The following TUT4 variants were observed in gnomAD, a reference collection of about 807,000 sequenced individuals.
The protein encoded by TUT4 is terminal uridylyltransferase 4.
A neutral mutation model predicts 192.2 loss-of-function variants in TUT4; 36 were observed. That is an observed-to-expected ratio of 0.19 (90% CI 0.14 to 0.25). The LOEUF is 0.25. Among genes scored for constraint, TUT4 ranks in the 10% least tolerant of loss-of-function variants. The pLI, the probability that TUT4 is intolerant of heterozygous loss-of-function variation, is 1.00. For missense variants in TUT4, 1,493 were observed against 1,957.2 expected (o/e 0.76, Z 4.47); for synonymous variants, 618 against 666.0 (o/e 0.93, Z 1.11).
intron 1 of TUT4, among the ~76,000 whole-genome samples, chr1:52,536,540 GA>G (rs1286725106): frequency 1.3e-5 from 2 of 152,172 alleles, no homozygotes; most frequent in African/African-American, 4.8e-5. Context: ...AAATGTAAAT[GA>G]ATTAAACTTT....
At chr1:52,500,206 T>C (rs937757948) in intron 4 of TUT4, among the ~76,000 whole-genome samples, 1 of 151,648 alleles carries the variant, frequency 6.6e-6, no homozygotes, top group Non-Finnish European at 1.5e-5. Flanking sequence ...GAACACTCAA[T>C]GGGGAAAGGA....
At chr1:52,473,391 C>G (rs1452584601) in intron 13 of TUT4, among the ~76,000 whole-genome samples, 1 of 152,000 alleles carries the variant, frequency 6.6e-6, no homozygotes, top group Non-Finnish European at 1.5e-5. Context: ...GTATTATATT[C>G]TTAAATTTGC....
At chr1:52,538,669 G>GAAAAAAA (rs1205554959) in intron 1 of TUT4, 2 of 99,494 alleles carry the variant, frequency 2.0e-5, no homozygotes, top group African/African-American at 3.7e-5. Flanking sequence ...GAAAAGAAAA[G>GAAAAAAA]AAAAAAAAAA....
chr1:52,493,800 GTGTTTTTTTTT>G, intron 6 of TUT4, 138 bp from the exon 7 acceptor site: 6 of 634,496 alleles, frequency 9.5e-6, no homozygotes, highest in South Asian at 1.8e-5. Flanking sequence ...AAACAGAATC[GTGTTTTTTTTT>G]TGTTTTTTTT....
At chr1:52,425,173 A>C (rs1557607957) in intron 29 of TUT4, 176 bp downstream of exon 29, 1 of 627,910 alleles carries the variant, frequency 1.6e-6, no homozygotes. Context: ...GTGTGCATCA[A>C]GTAATGGAGA....
chr1:52,467,156 A>G (rs1389657141), intron 15 of TUT4, among the ~76,000 whole-genome samples: 2 of 152,100 alleles, frequency 1.3e-5, no homozygotes, highest in East Asian at 3.9e-4. Context: ...AAAAAACAAT[A>G]ATGATGATAT....
chr1:52,507,707 A>G (rs2149284238), intron 4 of TUT4, among the ~76,000 whole-genome samples: 1 of 152,342 alleles, frequency 6.6e-6, no homozygotes, highest in Middle Eastern at 3.4e-3. Context: ...AATGCTCATT[A>G]AAGTATAATG....
Position 52,446,331 on chromosome 1 carries a change from T to C in TUT4, c.3625A>G (p.Ile1209Val). ...GTTGTCAACAGCTTTTTCTGCCGAA[T>C]GCTAATTACATATTCCTTGAAATCA... ...EFDFKEYVIS[I>V]RQKKLLTTFE... The change falls in exon 22 of 30, where the codon ATT (isoleucine) becomes GTT (valine). Residue 1209 changes from isoleucine (I) to valine (V), a missense_variant. Ile to Val is a conservative substitution (Grantham distance 29). This residue lies in a region of TUT4 where 141 missense variants were observed against 382.7 expected (regional missense o/e 0.37). Coordinates refer to ENST00000257177, the MANE Select transcript of TUT4 (RefSeq NM_001009881.3). The C allele has an allele frequency of 6.2e-7, 1 of 1,613,928 alleles. No homozygotes were observed. Among genetic ancestry groups the C allele is most frequent in the Non-Finnish European group, 8.5e-7 (1 of 1,179,932 alleles).
intron 1 of TUT4, among the ~76,000 whole-genome samples, 181 bp from the exon 2 acceptor site, chr1:52,526,554 T>C (rs769195317): frequency 7.4e-5 from 11 of 149,322 alleles, no homozygotes; most frequent in South Asian, 2.1e-4. Flanking sequence ...ACTAGGTAAA[T>C]AGCCAAATGC....
intron 8 of TUT4, 63 bp from the exon 9 acceptor site, chr1:52,489,098 T>C: frequency 1.4e-6 from 2 of 1,468,198 alleles, no homozygotes; most frequent in South Asian, 1.5e-5. Flanking sequence ...ATACTTCAAA[T>C]CCTGTGGCTA....
Position 52,485,188 on chromosome 1 carries a change from T to C in TUT4, c.1516-3265A>G, listed in dbSNP as rs186021370. Among the ~76,000 whole-genome samples, 55 of 152,310 alleles carry C rather than the reference T, an allele frequency of 3.6e-4. No individual in the cohort carries two copies. In the East Asian group the frequency reaches 7.7e-3, roughly 21 times the overall value. On this transcript the variant is annotated intron_variant, in intron 9 of 29. Coordinates refer to ENST00000257177, the MANE Select transcript of TUT4 (RefSeq NM_001009881.3). ...AATAATATAATTTCTTCTTATATCT[T>C]TGTTATTAAATCTCTTCCTTAGTGT...
At chr1:52,464,608 C>G (rs193093859) in intron 16 of TUT4, among the ~76,000 whole-genome samples, 1 of 152,092 alleles carries the variant, frequency 6.6e-6, no homozygotes, top group Non-Finnish European at 1.5e-5. Context: ...TGTGAGTGGT[C>G]AAAAATTATA....
chr1:52,453,092 A>C (rs1659906989), intron 20 of TUT4, among the ~76,000 whole-genome samples: 2 of 152,146 alleles, frequency 1.3e-5, no homozygotes, highest in South Asian at 4.1e-4. Context: ...GAATAGAAAA[A>C]ACATTTTGGG....
In TUT4 at chr1:52,498,902, TTATATATATATA is replaced by T. The variant is rs60991652; in HGVS notation, c.1000-1731_1000-1720del. Reference sequence around the variant, plus strand: ...ACTCCATTACAAAAAAAAAAAAAAATTATATATATATATATATATATATATATATATATATAT... The same window carrying T: ...ACTCCATTACAAAAAAAAAAAAAAATTATATATATATATATATATATATAT... On this transcript the variant is annotated intron_variant, in intron 4 of 29. Transcript: ENST00000257177. Among the ~76,000 whole-genome samples the T allele has an allele frequency of 7.4e-3, 172 of 23,282 alleles. 16 individuals are homozygous for T. Among genetic ancestry groups the T allele is most frequent in the South Asian group, 0.017 (7 of 424 alleles). 15.3% of individuals were successfully genotyped at this position (23,282 alleles called of 152,430 possible).
intron 14 of TUT4, among the ~76,000 whole-genome samples, chr1:52,468,923 T>C (rs1269806155): frequency 6.6e-6 from 1 of 152,216 alleles, no homozygotes. Flanking sequence ...CCCCAAAAGT[T>C]AACACAGTAA....
At chr1:52,499,913 T>TA (rs1235264841) in intron 4 of TUT4, among the ~76,000 whole-genome samples, 2 of 150,444 alleles carry the variant, frequency 1.3e-5, no homozygotes, top group East Asian at 1.9e-4. Context: ...TCTACTAAAT[T>TA]AAAAAAATAT....
At chr1:52,445,746 A>T (rs1005371340) in intron 24 of TUT4, 41 bp downstream of exon 24, 16 of 1,443,518 alleles carry the variant, frequency 1.1e-5, no homozygotes, top group Non-Finnish European at 1.5e-5. Flanking sequence ...TGTTCTATTT[A>T]AAAAAAGAAA....
rs1303534203 is a variant in TUT4 at position 52,526,231 on chromosome 1, T to C, written c.50A>G (p.Asn17Ser). Reference protein sequence around the residue: ...LKSENHEPKKNVICEESKAVQ... With the variant: ...LKSENHEPKKSVICEESKAVQ... Reference sequence around the variant, plus strand: ...TGCTTTGCTTTCTTCACAAATAACATTCTTCTTTGGTTCATGATTTTCACT... The same window carrying C: ...TGCTTTGCTTTCTTCACAAATAACACTCTTCTTTGGTTCATGATTTTCACT... The change falls in exon 2 of 30, where the codon AAT becomes AGT. Residue 17 changes from asparagine (N) to serine (S), a missense_variant. Around this residue, in one of 7 missense-constraint regions of TUT4, gnomAD observed 260 missense variants for 247.8 expected, o/e 1.05. Transcript: ENST00000257177. 1 of 1,592,928 alleles carries C rather than the reference T, an allele frequency of 6.3e-7. No individual in the cohort carries two copies. Among genetic ancestry groups the C allele is most frequent in the Non-Finnish European group, 8.5e-7 (1 of 1,175,174 alleles).
Position 52,525,978 on chromosome 1 carries a change from A to G in TUT4, c.303T>C (p.Phe101=), listed in dbSNP as rs1681650087. 2 of 1,614,008 alleles carry G rather than the reference A, an allele frequency of 1.2e-6. No individual in the cohort carries two copies. Among genetic ancestry groups the G allele is most frequent in the Non-Finnish European group, 8.5e-7 (1 of 1,180,018 alleles). The change falls in exon 2 of 30, where the codon TTT becomes TTC. Residue 101 remains phenylalanine (F), a synonymous_variant. Coordinates refer to ENST00000257177, the MANE Select transcript of TUT4 (RefSeq NM_001009881.3). The part of the protein sequence containing the change: ...RDQSHCKAKK[F]PNSPVKAEKA... ...TTTCGGCTTTCACCGGTGAATTAGG[A>G]AATTTTTTTGCTTTGCAATGACTTT...
Sources: gnomAD v4.1 joint callset for allele counts (sites outside exome capture counted in the v4.1 genomes callset) on GRCh38, gnomAD v4.1.1 for gene constraint, gnomAD v4.1.1 regional missense constraint, MANE v1.5 for transcripts, NCBI Gene and HGNC (gene_info 2026-07-23, HGNC 2026-07-21) for gene names.